The following THSD7B variants were observed in gnomAD, a reference collection of about 807,000 sequenced individuals.
The protein encoded by THSD7B is thrombospondin type-1 domain-containing protein 7B.
THSD7B carries 138 observed loss-of-function variants against 213.6 expected under a neutral mutation model. The ratio of observed to expected loss-of-function variants is 0.65; its 90% CI spans 0.56 to 0.74. The LOEUF (loss-of-function observed/expected upper bound fraction) is 0.74. Among genes scored for constraint, THSD7B ranks in the 30% least tolerant of loss-of-function variants. The pLI is 0.00. For synonymous variants in THSD7B, 742 were observed against 687.0 expected (o/e 1.08, Z -1.25); for missense variants, 1,931 against 1,991.5 (o/e 0.97, Z 0.58).
intron 2 of THSD7B, among the ~76,000 whole-genome samples, chr2:137,033,894 A>G (rs931139588): frequency 3.9e-5 from 6 of 151,926 alleles, no homozygotes; most frequent in Non-Finnish European, 8.8e-5. Flanking sequence ...GCACCCATCA[A>G]CCAGTCATTT....
intron 15 of THSD7B, among the ~76,000 whole-genome samples, chr2:137,490,977 A>G (rs915138722): frequency 6.6e-6 from 1 of 152,240 alleles, no homozygotes; most frequent in Non-Finnish European, 1.5e-5. Flanking sequence ...GTTTGGTCAC[A>G]TTAGTAACAA....
At chr2:137,492,995 C>T (rs574516875) in intron 15 of THSD7B, among the ~76,000 whole-genome samples, 2 of 151,362 alleles carry the variant, frequency 1.3e-5, no homozygotes, top group African/African-American at 4.8e-5. Context: ...GTGGTGGGTG[C>T]CTATAATCCC....
intron 2 of THSD7B, among the ~76,000 whole-genome samples, chr2:136,948,468 A>G (rs1439401445): frequency 6.7e-6 from 1 of 149,872 alleles, no homozygotes; most frequent in Admixed American, 6.6e-5. Context: ...AAAAGAATAC[A>G]CACACACACA....
chr2:137,595,519 CTTTA>C (rs1465415735), intron 17 of THSD7B, among the ~76,000 whole-genome samples: 1 of 151,908 alleles, frequency 6.6e-6, no homozygotes, highest in Non-Finnish European at 1.5e-5. Context: ...GTTTCTAACA[CTTTA>C]TTTGTCTTTT....
At chr2:137,436,352 T>A (rs1265975211) in intron 14 of THSD7B, among the ~76,000 whole-genome samples, 1 of 152,138 alleles carries the variant, frequency 6.6e-6, no homozygotes, top group Admixed American at 6.6e-5. Context: ...ATTCTTATGT[T>A]ACAGATAAGG....
At chr2:137,219,406 G>GGATC (rs1174252023) in intron 7 of THSD7B, among the ~76,000 whole-genome samples, 1 of 152,092 alleles carries the variant, frequency 6.6e-6, no homozygotes, top group East Asian at 1.9e-4. Context: ...AAAATGTAGA[G>GGATC]GATCCAAAGA....
Position 136,870,434 on chromosome 2 carries a change from T to C in THSD7B, c.-35-11710T>C, listed in dbSNP as rs990095322. On this transcript the variant is annotated intron_variant, in intron 1 of 27. Transcript: ENST00000409968. ...GGCAATATACTAGGAACTGGACATA[T>C]AACACTGAACAAGATAAAGTACTTA... 3.3e-5 allele frequency among the ~76,000 whole-genome samples: 5 copies of C among 152,228 alleles called. No homozygotes were observed. In the East Asian group the frequency reaches 7.7e-4, roughly 23 times the overall value.
intron 17 of THSD7B, among the ~76,000 whole-genome samples, chr2:137,576,326 A>C (rs41357152): frequency 0.24 from 36,442 of 152,028 alleles, 4,567 homozygotes; most frequent in South Asian, 0.35. Flanking sequence ...AAGATGACTT[A>C]GATTTAGCAA....
intron 2 of THSD7B, among the ~76,000 whole-genome samples, chr2:136,978,356 G>A (rs1176876874): frequency 6.6e-6 from 1 of 152,120 alleles, no homozygotes; most frequent in Admixed American, 6.5e-5. Context: ...TTAATTTTCT[G>A]TGTCGATGAT....
Position 137,313,010 on chromosome 2 carries a change from A to G in THSD7B, c.2500+36984A>G, listed in dbSNP as rs906641845. The stretch of plus-strand genomic sequence containing the variant: ...TGATTTGGGGTGGAGAGTTCTGTAG[A>G]TGTCTATTAGGTCCGCTTGGTGCAG... On this transcript the variant is annotated intron_variant, in intron 12 of 27. Transcript: ENST00000409968. Among the ~76,000 whole-genome samples, 53 of 150,444 alleles carry G rather than the reference A, an allele frequency of 3.5e-4. No individual in the cohort carries two copies. In the East Asian group the frequency reaches 8.9e-3, roughly 25 times the overall value.
At chr2:137,244,860 A>T (rs1471787882) in intron 10 of THSD7B, among the ~76,000 whole-genome samples, 2 of 152,190 alleles carry the variant, frequency 1.3e-5, no homozygotes, top group Non-Finnish European at 1.5e-5. Context: ...AGGACACTAT[A>T]AGAGGGGGAA....
At chr2:137,220,438 G>A (rs1158229826) in intron 7 of THSD7B, among the ~76,000 whole-genome samples, 1 of 152,172 alleles carries the variant, frequency 6.6e-6, no homozygotes, top group African/African-American at 2.4e-5. Flanking sequence ...TGCATCATTA[G>A]TCAATAGGAA....
chr2:137,629,486 A>C (rs1169374451), intron 20 of THSD7B, among the ~76,000 whole-genome samples: 2 of 152,166 alleles, frequency 1.3e-5, no homozygotes, highest in African/African-American at 4.8e-5. Flanking sequence ...CCTGTTGTCT[A>C]CTAGACCCTG....
intron 14 of THSD7B, among the ~76,000 whole-genome samples, chr2:137,445,417 G>C (rs1241810870): frequency 6.6e-6 from 1 of 151,892 alleles, no homozygotes; most frequent in Non-Finnish European, 1.5e-5. Context: ...AATATTATTT[G>C]TCCATGAAGA....
At chr2:137,037,728 T>G (rs10928590) in intron 2 of THSD7B, among the ~76,000 whole-genome samples, 88,385 of 152,038 alleles carry the variant, frequency 0.58, 29,668 homozygotes, top group Non-Finnish European at 0.73. Flanking sequence ...TGTATCTTAA[T>G]ATTTTTTTTC....
At chr2:136,955,714 T>G (rs1201129535) in intron 2 of THSD7B, among the ~76,000 whole-genome samples, 3 of 152,200 alleles carry the variant, frequency 2.0e-5, no homozygotes, top group African/African-American at 7.2e-5. Context: ...GGGCATTTCA[T>G]TCATAGGAGG....
chr2:136,783,687 C>A (rs1681788156), intron 1 of THSD7B, among the ~76,000 whole-genome samples: 1 of 152,126 alleles, frequency 6.6e-6, no homozygotes, highest in African/African-American at 2.4e-5. Flanking sequence ...AGTTGGAAGA[C>A]CATAATCAGA....
intron 12 of THSD7B, among the ~76,000 whole-genome samples, chr2:137,404,702 G>A (rs959108963): frequency 1.3e-4 from 20 of 151,666 alleles, no homozygotes; most frequent in African/African-American, 4.6e-4. Context: ...AACAGCATTT[G>A]CAGTGACCTG....
intron 15 of THSD7B, among the ~76,000 whole-genome samples, chr2:137,460,709 A>G (rs1413079129): frequency 1.3e-5 from 2 of 152,206 alleles, no homozygotes; most frequent in East Asian, 3.9e-4. Context: ...TTGTATATTT[A>G]TAAGAAGGAG....
Sources: allele counts gnomAD v4.1 joint callset (sites outside exome capture counted in the v4.1 genomes callset), GRCh38; gene constraint gnomAD v4.1.1; transcripts MANE v1.5; gene names NCBI Gene and HGNC (gene_info 2026-07-23, HGNC 2026-07-21).